The following CNOT2 variants were observed in gnomAD, a reference collection of about 807,000 sequenced individuals.
CNOT2 encodes CCR4-NOT transcription complex subunit 2.
A neutral mutation model predicts 72.1 loss-of-function variants in CNOT2; 7 were observed. The observed-to-expected ratio is 0.10, with a 90% CI of 0.06 to 0.18. The LOEUF is 0.18. Among genes scored for constraint, CNOT2 ranks in the 10% least tolerant of loss-of-function variants. The pLI is 1.00. For missense variants in CNOT2, 345 were observed against 660.3 expected (o/e 0.52, Z 5.23); for synonymous variants, 196 against 225.6 (o/e 0.87, Z 1.17).
intron 1 of CNOT2, among the ~76,000 whole-genome samples, chr12:70,264,335 G>A (rs1452304116): frequency 6.6e-6 from 1 of 151,934 alleles, no homozygotes; most frequent in African/African-American, 2.4e-5. Flanking sequence ...TATTTTTGAG[G>A]GTACCCTTAG....
chr12:70,306,372 G>T (rs983601624), intron 2 of CNOT2, among the ~76,000 whole-genome samples: 6 of 152,072 alleles, frequency 3.9e-5, no homozygotes, highest in African/African-American at 1.4e-4. Context: ...GGCCAGGCTG[G>T]TCTTGAACTC....
At chr12:70,326,078 G>A (rs940255965) in intron 4 of CNOT2, among the ~76,000 whole-genome samples, 1 of 151,688 alleles carries the variant, frequency 6.6e-6, no homozygotes, top group Admixed American at 6.6e-5. Context: ...GATCAATAAG[G>A]AATTTGACTA....
At chr12:70,323,240 A>C (rs536942736) in intron 4 of CNOT2, 1 of 151,708 alleles carries the variant, frequency 6.6e-6, no homozygotes, top group South Asian at 2.1e-4. Context: ...CCATCTCTGC[A>C]TAGTGTACCT....
chr12:70,259,090 A>T (rs1958607907), intron 1 of CNOT2, among the ~76,000 whole-genome samples: 1 of 152,202 alleles, frequency 6.6e-6, no homozygotes, highest in Admixed American at 6.5e-5. Flanking sequence ...TTTACAGTTG[A>T]GTAAATAAGG....
intron 2 of CNOT2, among the ~76,000 whole-genome samples, chr12:70,309,982 A>G (rs1778632134): frequency 6.6e-6 from 1 of 152,104 alleles, no homozygotes; most frequent in South Asian, 2.1e-4. Flanking sequence ...TTGTGTCTGT[A>G]CTGAACATGT....
chr12:70,297,780 C>G, intron 2 of CNOT2: 1 of 359,824 alleles, frequency 2.8e-6, no homozygotes, highest in African/African-American at 2.3e-5. Context: ...CTCTGTCACC[C>G]AGGCTGGACT....
chr12:70,320,998 A>G (rs1878208078), intron 4 of CNOT2, among the ~76,000 whole-genome samples: 1 of 151,898 alleles, frequency 6.6e-6, no homozygotes, highest in Non-Finnish European at 1.5e-5. Context: ...TTTTAAGGAC[A>G]TACAAAGATT....
intron 1 of CNOT2, among the ~76,000 whole-genome samples, chr12:70,256,962 A>G (rs889369265): frequency 6.6e-6 from 1 of 152,206 alleles, no homozygotes; most frequent in Non-Finnish European, 1.5e-5. Flanking sequence ...AGTGTCATAT[A>G]TTTATCCAAA....
intron 3 of CNOT2, among the ~76,000 whole-genome samples, chr12:70,313,565 A>G (rs948305676): frequency 2.0e-5 from 3 of 151,988 alleles, no homozygotes; most frequent in African/African-American, 7.2e-5. Flanking sequence ...TTTTTCTACA[A>G]GCTTATCCAA....
chr12:70,261,281 T>A (rs372274435), intron 1 of CNOT2, among the ~76,000 whole-genome samples: 5 of 150,616 alleles, frequency 3.3e-5, no homozygotes, highest in African/African-American at 9.7e-5. Context: ...TTGTTGTGGA[T>A]CTTTGTGCCT....
intron 15 of CNOT2, among the ~76,000 whole-genome samples, chr12:70,353,346 A>G (rs1883105801): frequency 6.6e-6 from 1 of 152,104 alleles, no homozygotes; most frequent in Admixed American, 6.6e-5. Flanking sequence ...AAGTGCTGGG[A>G]TTACAGACGT....
At chr12:70,247,887 C>T (rs1370292537) in intron 1 of CNOT2, among the ~76,000 whole-genome samples, 2 of 152,202 alleles carry the variant, frequency 1.3e-5, no homozygotes, top group African/African-American at 2.4e-5. Flanking sequence ...GGGAGAATAG[C>T]TTCCTGTATT....
intron 3 of CNOT2, among the ~76,000 whole-genome samples, chr12:70,311,273 A>G (rs1294449318): frequency 6.6e-6 from 1 of 152,064 alleles, no homozygotes; most frequent in African/African-American, 2.4e-5. Context: ...AAAGACATGG[A>G]GTAAACATGG....
intron 2 of CNOT2, among the ~76,000 whole-genome samples, chr12:70,283,659 A>G (rs201266353): frequency 1.7e-5 from 2 of 119,428 alleles, no homozygotes. Context: ...AAAAAAAAAA[A>G]AAAAAAAAGG....
Position 70,291,903 on chromosome 12 carries a change from C to T in CNOT2, c.48+13629C>T, listed in dbSNP as rs1871971749. Among the ~76,000 whole-genome samples the T allele has an allele frequency of 2.6e-5, 4 of 152,160 alleles. No individual in the cohort carries two copies. In the South Asian group the frequency reaches 6.2e-4, roughly 24 times the overall value. The stretch of plus-strand genomic sequence containing the variant: ...AGTGAGCCGAGATCGTGCCACTGCA[C>T]TCCAGTCTGGGCGACAGAGTGAGAC... On this transcript the variant is annotated intron_variant, in intron 2 of 15. Transcript: ENST00000229195.
chr12:70,293,651 G>T (rs1463700874), intron 2 of CNOT2, among the ~76,000 whole-genome samples: 1 of 152,084 alleles, frequency 6.6e-6, no homozygotes, highest in East Asian at 1.9e-4. Context: ...TCAGAGTTAT[G>T]TGTAGGTTTT....
chr12:70,278,224 T>C lies in CNOT2; in HGVS notation c.-3T>C. The stretch of plus-strand genomic sequence containing the variant: ...CGGTACTGTGAGGAAAGGACACGAC[T>C]CTATGGTGAGGACTGATGGACATAC... On this transcript the variant is annotated 5_prime_UTR_variant, in exon 2 of 16. Coordinates refer to ENST00000229195, the MANE Select transcript of CNOT2 (RefSeq NM_014515.7). The C allele has an allele frequency of 6.2e-7, 1 of 1,610,716 alleles. No homozygotes were observed. Among genetic ancestry groups the C allele is most frequent in the Non-Finnish European group, 8.5e-7 (1 of 1,177,020 alleles).
At chr12:70,319,620 T>G (rs972815947) in intron 4 of CNOT2, among the ~76,000 whole-genome samples, 2 of 151,780 alleles carry the variant, frequency 1.3e-5, no homozygotes, top group Admixed American at 6.6e-5. Flanking sequence ...GTAAATTTTT[T>G]GCAGTATTTT....
At chr12:70,334,465 C>T (rs1359565128) in intron 7 of CNOT2, 1 of 151,916 alleles carries the variant, frequency 6.6e-6, no homozygotes, top group Non-Finnish European at 1.5e-5. Flanking sequence ...ATAACAGTTA[C>T]TGTTTGAGAT....
Sources: allele counts gnomAD v4.1 joint callset (sites outside exome capture counted in the v4.1 genomes callset), GRCh38; gene constraint gnomAD v4.1.1; transcripts MANE v1.5; gene names NCBI Gene and HGNC (gene_info 2026-07-23, HGNC 2026-07-21).